The following RPS6KC1 variants were observed in gnomAD, a reference collection of about 807,000 sequenced individuals.
The protein encoded by RPS6KC1 is ribosomal protein S6 kinase C1.
A neutral mutation model predicts 103.8 loss-of-function variants in RPS6KC1; 54 were observed. The observed-to-expected ratio is 0.52, with a 90% CI of 0.42 to 0.65. The LOEUF (loss-of-function observed/expected upper bound fraction) is 0.65, where lower values mean the gene tolerates loss of function less well. Ranked by LOEUF, RPS6KC1 falls within the 30% of genes least tolerant of loss-of-function variation. The probability of loss-of-function intolerance (pLI) is 0.00; values close to 1 mark genes in which losing one functional copy is unlikely to be tolerated. For missense variants in RPS6KC1, 1,151 were observed against 1,253.8 expected (o/e 0.92, Z 1.24); for synonymous variants, 439 against 438.7 (o/e 1.00, Z -0.01).
chr1:213,696,194 C>T, the RPS6KC1 span, among the ~76,000 whole-genome samples: 6 of 152,150 alleles, frequency 3.9e-5, no homozygotes, highest in Admixed American at 1.3e-4. Context: ...TACTGCTATT[C>T]TTCCTCTGTG....
chr1:213,227,728 G>C (rs2093992410), intron 8 of RPS6KC1, among the ~76,000 whole-genome samples: 1 of 152,214 alleles, frequency 6.6e-6, no homozygotes, highest in Non-Finnish European at 1.5e-5. Flanking sequence ...GTTCTTGCAT[G>C]TGGGCCTTTG....
chr1:213,230,297 G>A (rs964996139), intron 8 of RPS6KC1, among the ~76,000 whole-genome samples, 200 bp from the exon 9 acceptor site: 2 of 151,924 alleles, frequency 1.3e-5, no homozygotes, highest in African/African-American at 4.8e-5. Context: ...TTTTAGAAAA[G>A]GAAACCATAA....
intron 4 of RPS6KC1, among the ~76,000 whole-genome samples, chr1:213,107,700 A>C (rs748133209): frequency 1.3e-5 from 2 of 152,140 alleles, no homozygotes; most frequent in Non-Finnish European, 2.9e-5. Flanking sequence ...CTTATGGTAA[A>C]TTCGTGTTTT....
the RPS6KC1 span, among the ~76,000 whole-genome samples, chr1:213,728,989 A>T: frequency 7.7e-6 from 1 of 130,200 alleles, no homozygotes. Flanking sequence ...GCTGAGACAC[A>T]GGGCAGGGTA....
At chr1:213,589,564 C>T in the RPS6KC1 span, among the ~76,000 whole-genome samples, 1 of 151,514 alleles carries the variant, frequency 6.6e-6, no homozygotes, top group Admixed American at 6.6e-5. Flanking sequence ...ATCACTTGAA[C>T]CTGGGAGGTG....
At chr1:213,474,866 A>C in the RPS6KC1 span, among the ~76,000 whole-genome samples, 3 of 152,178 alleles carry the variant, frequency 2.0e-5, no homozygotes, top group African/African-American at 7.2e-5. Context: ...GTTCAATATA[A>C]AACTTCACAA....
At chr1:213,464,304 A>T in the RPS6KC1 span, among the ~76,000 whole-genome samples, 1 of 152,060 alleles carries the variant, frequency 6.6e-6, no homozygotes, top group Admixed American at 6.6e-5. Context: ...ATTTTTCCAA[A>T]GTTTATTGGT....
chr1:213,553,309 G>C, the RPS6KC1 span, among the ~76,000 whole-genome samples: 3 of 152,106 alleles, frequency 2.0e-5, no homozygotes, highest in Non-Finnish European at 4.4e-5. Context: ...ATAGCCTCCA[G>C]CTCCATCTAT....
chr1:213,496,757 CG>C, the RPS6KC1 span, among the ~76,000 whole-genome samples: 11 of 151,682 alleles, frequency 7.3e-5, no homozygotes, highest in Non-Finnish European at 1.6e-4. Flanking sequence ...GACTCAGTCT[CG>C]GGGGAAAAAA....
the RPS6KC1 span, among the ~76,000 whole-genome samples, chr1:213,533,791 C>G: frequency 1.3e-5 from 2 of 152,184 alleles, no homozygotes; most frequent in African/African-American, 2.4e-5. Flanking sequence ...CTGTTTGTGG[C>G]CTACCCAGCA....
the RPS6KC1 span, among the ~76,000 whole-genome samples, chr1:213,742,785 A>G: frequency 0.82 from 125,295 of 152,286 alleles, 52,155 homozygotes; most frequent in African/African-American, 0.95. Context: ...CACAGAAAGT[A>G]CCAGGGCAGG....
chr1:213,404,484 C>G, the RPS6KC1 span, among the ~76,000 whole-genome samples: 1 of 152,170 alleles, frequency 6.6e-6, no homozygotes, highest in Non-Finnish European at 1.5e-5. Context: ...TTCCTCCTCC[C>G]CTCCCTTCTT....
the RPS6KC1 span, among the ~76,000 whole-genome samples, chr1:213,354,746 A>G: frequency 6.6e-6 from 1 of 152,148 alleles, no homozygotes; most frequent in Non-Finnish European, 1.5e-5. Context: ...ATGATAATCC[A>G]TTGATTCATT....
At chr1:213,077,524 A>G (rs959861761) in intron 2 of RPS6KC1, among the ~76,000 whole-genome samples, 172 bp from the exon 3 acceptor site, 1 of 152,164 alleles carries the variant, frequency 6.6e-6, no homozygotes, top group South Asian at 2.1e-4. Context: ...AATCTGCCTT[A>G]TATTTTTAAA....
chr1:213,719,269 T>A, the RPS6KC1 span, among the ~76,000 whole-genome samples: 1 of 152,244 alleles, frequency 6.6e-6, no homozygotes, highest in Non-Finnish European at 1.5e-5. Context: ...TTTTATTCAT[T>A]TAATGAGTGC....
At chr1:213,811,230 T>C in the RPS6KC1 span, among the ~76,000 whole-genome samples, 1 of 152,182 alleles carries the variant, frequency 6.6e-6, no homozygotes, top group Admixed American at 6.5e-5. Flanking sequence ...TTAATACTGA[T>C]TTTATTCAAC....
chr1:213,629,782 G>A, the RPS6KC1 span, among the ~76,000 whole-genome samples: 3 of 152,066 alleles, frequency 2.0e-5, no homozygotes, highest in African/African-American at 7.2e-5. Flanking sequence ...AGGCCTGGTG[G>A]TGACAAAATC....
chr1:213,419,362 A>G, the RPS6KC1 span, among the ~76,000 whole-genome samples: 1 of 152,202 alleles, frequency 6.6e-6, no homozygotes, highest in Admixed American at 6.5e-5. Flanking sequence ...TTTGGTGACA[A>G]AAATAATGGT....
At position 213,232,272 on chromosome 1, in the gene RPS6KC1, G is replaced by A; in HGVS notation, c.1225+17G>A. ...ATGCGGAAGGTTGGTTTGTAGTTTG[G>A]ATTGTTTATGCAGTGAAGAATGTCA... On this transcript the variant is annotated intron_variant, in intron 10 of 14. Transcript: ENST00000366960. 1.9e-6 allele frequency: 3 copies of A among 1,613,780 alleles called. No homozygotes were observed. Among genetic ancestry groups the A allele is most frequent in the South Asian group, 1.1e-5 (1 of 91,068 alleles).
Sources: gnomAD v4.1 joint callset for allele counts (sites outside exome capture counted in the v4.1 genomes callset) on GRCh38, gnomAD v4.1.1 for gene constraint, MANE v1.5 for transcripts, NCBI Gene and HGNC (gene_info 2026-07-23, HGNC 2026-07-21) for gene names.